The following SRMS variants were observed in gnomAD, a reference collection of about 807,000 sequenced individuals.
The protein encoded by SRMS is src-related kinase lacking C-terminal regulatory tyrosine and N-terminal myristylation sites, also known as tyrosine-protein kinase Srms.
Under a neutral mutation model 43.5 loss-of-function variants are expected in SRMS, and 42 were observed. That is an observed-to-expected ratio of 0.97 (90% CI 0.75 to 1.25). The LOEUF is 1.25. Ranked by LOEUF, SRMS falls within the 50% of genes most tolerant of loss-of-function variation. The pLI, the probability that SRMS is intolerant of heterozygous loss-of-function variation, is 0.00. For missense variants in SRMS, 703 were observed against 681.0 expected, an observed-to-expected ratio of 1.03 and a Z score of -0.36; for synonymous variants, 316 against 308.2, an observed-to-expected ratio of 1.03 and a Z score of -0.27.
Position 63,540,999 on chromosome 20 carries a change from C to T in SRMS, c.1286G>A (p.Gly429Glu). 1 of 1,608,778 alleles carries T rather than the reference C, an allele frequency of 6.2e-7. No individual in the cohort carries two copies. The highest frequency in any genetic ancestry group is 8.5e-7 in the Non-Finnish European group (1 of 1,179,386). The change falls in exon 8 of 8, where the codon GGG becomes GAG. Residue 429 changes from glycine (G) to glutamate (E), a missense_variant and splice_region_variant. Gly to Glu is a moderately conservative substitution (Grantham distance 98, BLOSUM62 -2). Coordinates refer to ENST00000217188, the MANE Select transcript of SRMS (RefSeq NM_080823.4). ...CTGCAGCGTCTCGTGGTTGGTCATCCCTGGGAGGCGCGGGGCAAGAGCTGC... is the reference window on the plus strand; with the variant it reads ...CTGCAGCGTCTCGTGGTTGGTCATCTCTGGGAGGCGCGGGGCAAGAGCTGC... ...VFTYGQCPYE[G>E]MTNHETLQQI... is the part of the protein sequence containing the mutation.
At chr20:63,542,809 C>G (rs1038801665) in intron 3 of SRMS, among the ~76,000 whole-genome samples, 2 of 152,162 alleles carry the variant, frequency 1.3e-5, no homozygotes, top group Non-Finnish European at 1.5e-5. Context: ...AGCCGGATAT[C>G]CGTCTACACA....
chr20:63,544,860 C>T (rs2082722932), intron 1 of SRMS, among the ~76,000 whole-genome samples: 1 of 152,208 alleles, frequency 6.6e-6, no homozygotes, highest in Admixed American at 6.5e-5. Flanking sequence ...CCTGAGGAGG[C>T]AGCCTAAGCC....
At chr20:63,544,483 GA>G in intron 1 of SRMS, 135 bp from the exon 2 acceptor site, 1 of 1,169,532 alleles carries the variant, frequency 8.6e-7, no homozygotes, top group Non-Finnish European at 1.1e-6. Context: ...CGTGGACTTT[GA>G]GTCCCAGCTC....
Position 63,547,248 on chromosome 20 carries a change from G to A in SRMS, c.216C>T (p.Val72=). 2 of 1,609,474 alleles carry A rather than the reference G, an allele frequency of 1.2e-6. No homozygotes were observed. The highest frequency in any genetic ancestry group is 1.7e-6 in the Non-Finnish European group (2 of 1,178,198). The change falls in exon 1 of 8, where the codon GTC becomes GTT. Residue 72 remains valine (V), a synonymous_variant. Transcript: ENST00000217188. ...FTARCGGELS[V]RRGDRLCALE... ...GGGCACAGAGCCTGTCCCCGCGGCGGACACTCAGCTCCCCGCCACACCGCG... is the reference window on the plus strand; with the variant it reads ...GGGCACAGAGCCTGTCCCCGCGGCGAACACTCAGCTCCCCGCCACACCGCG...
Position 63,546,571 on chromosome 20 carries a change from G to A in SRMS, c.356+537C>T, listed in dbSNP as rs528696526. Among the ~76,000 whole-genome samples, 212 of 138,300 alleles carry A rather than the reference G, an allele frequency of 1.5e-3. 2 individuals are homozygous for A. The highest frequency in any genetic ancestry group is 2.5e-3 in the Non-Finnish European group (162 of 66,054). The allele number at this position is 138,300 out of a possible 152,430, so 90.7% of individuals were successfully genotyped here. A position where few individuals can be genotyped will look rare whatever the true frequency, so the allele number is the denominator to read the frequency against. ...TGCCTTCACCCAGAGCTCCTGGAGC[G>A]TGGGCCCGTCTCAGCCCCCAGCCCC... On this transcript the variant is annotated intron_variant, in intron 1 of 7. Transcript: ENST00000217188.
At chr20:63,543,275 C>G in intron 3 of SRMS, 39 bp downstream of exon 3, 2 of 1,603,902 alleles carry the variant, frequency 1.2e-6, no homozygotes, top group Non-Finnish European at 1.7e-6. Flanking sequence ...GGCCATGCCT[C>G]GGGCCCAGCA....
intron 1 of SRMS, 138 bp from the exon 2 acceptor site, chr20:63,544,486 TC>T: frequency 8.7e-7 from 1 of 1,154,596 alleles, no homozygotes; most frequent in Non-Finnish European, 1.1e-6. Context: ...GGACTTTGAG[TC>T]CCAGCTCAAG....
chr20:63,543,948 G>A (rs1476466528), intron 2 of SRMS, among the ~76,000 whole-genome samples: 1 of 151,896 alleles, frequency 6.6e-6, no homozygotes, highest in Non-Finnish European at 1.5e-5. Context: ...AGGAATGAAC[G>A]AGTGAATGAG....
chr20:63,541,061 C>T, intron 7 of SRMS, 62 bp from the exon 8 acceptor site: 2 of 1,594,570 alleles, frequency 1.3e-6, no homozygotes, highest in Non-Finnish European at 1.7e-6. Context: ...GAGGAGGCCT[C>T]CTGTAGCCCC....
chr20:63,542,580 T>G lies in SRMS; in HGVS notation c.647A>C (p.Lys216Thr), dbSNP rs376624463. The G allele has an allele frequency of 5.6e-6, 9 of 1,608,284 alleles. No homozygotes were observed. The African/African-American group carries it at 1.1e-4, about 19-fold the overall frequency. ...CTCCCACACGTCCTGCCTCGGGGCC[T>G]TCTGCAGGGAGGGTGGGCAGGGAGG... Reference protein sequence around the residue: ...NPLLQPCMPQKAPRQDVWERP... With the variant: ...NPLLQPCMPQTAPRQDVWERP... Residue 216 changes from lysine (K) to threonine (T), a missense_variant and splice_region_variant, in exon 4 of 8, where the codon AAG (lysine) becomes ACG (threonine). Lys to Thr is a moderately conservative substitution (Grantham distance 78). Coordinates refer to ENST00000217188, the MANE Select transcript of SRMS (RefSeq NM_080823.4).
intron 1 of SRMS, among the ~76,000 whole-genome samples, chr20:63,546,645 A>AGCCCCCC (rs1569019152): frequency 8.3e-6 from 1 of 119,940 alleles, no homozygotes; most frequent in Non-Finnish European, 1.7e-5. Flanking sequence ...CCCCTGTCTC[A>AGCCCCCC]GCCCCCAGCC....
At position 63,541,013 on chromosome 20, in the gene SRMS, G is replaced by A. The variant is rs2082700834; in HGVS notation, c.1286-14C>T. The A allele has an allele frequency of 5.0e-6, 8 of 1,607,748 alleles. No homozygotes were observed. The highest frequency in any genetic ancestry group is 3.4e-5 in the Admixed American group (2 of 59,690). Reference sequence around the variant, plus strand: ...GGTTGGTCATCCCTGGGAGGCGCGGGGCAAGAGCTGCCTCGATTCTGCCTG... The same window carrying A: ...GGTTGGTCATCCCTGGGAGGCGCGGAGCAAGAGCTGCCTCGATTCTGCCTG... On this transcript the variant is annotated splice_polypyrimidine_tract_variant and intron_variant, in intron 7 of 7. Coordinates refer to ENST00000217188, the MANE Select transcript of SRMS (RefSeq NM_080823.4).
Position 63,544,317 on chromosome 20 carries a change from C to T in SRMS, c.388G>A (p.Ala130Thr), listed in dbSNP as rs776215905. Residue 130 changes from alanine (A) to threonine (T), a missense_variant, in exon 2 of 8, where the codon GCA (alanine) becomes ACA (threonine). By Grantham distance (58) the Ala-to-Thr change is moderately conservative. Coordinates refer to ENST00000217188, the MANE Select transcript of SRMS (RefSeq NM_080823.4). Reference sequence around the variant, plus strand: ...GGTGGGGAGAGGAGCAGCTGCTGTGCCTGGGTCCGACTGACCCCGCTAAAG... The same window carrying T: ...GGTGGGGAGAGGAGCAGCTGCTGTGTCTGGGTCCGACTGACCCCGCTAAAG... ...WYFSGVSRTQ[A>T]QQLLLSPPNE... 3 of 1,484,244 alleles carry T rather than the reference C, an allele frequency of 2.0e-6. No individual in the cohort carries two copies. Among genetic ancestry groups the T allele is most frequent in the Admixed American group, 2.7e-5 (1 of 37,636 alleles). The allele number at this position is 1,484,244 out of a possible 1,614,324, so 91.9% of individuals were successfully genotyped here.
chr20:63,544,630 C>T (rs2082721362), intron 1 of SRMS, among the ~76,000 whole-genome samples: 2 of 152,272 alleles, frequency 1.3e-5, no homozygotes, highest in South Asian at 4.1e-4. Context: ...TGACCGCCAG[C>T]CCCAGCCACA....
chr20:63,541,278 AATT>A lies in SRMS; in HGVS notation c.1195_1197del (p.Asn399del). 1 of 1,567,744 alleles carries A rather than the reference AATT, an allele frequency of 6.4e-7. No individual in the cohort carries two copies. Among genetic ancestry groups the A allele is most frequent in the South Asian group, 1.2e-5 (1 of 84,684 alleles). On this transcript the variant is annotated inframe_deletion, in exon 7 of 8. Coordinates refer to ENST00000217188, the MANE Select transcript of SRMS (RefSeq NM_080823.4). ...TCTGACTTCTGGGAGAAGACACGATAATTGGCCGCCTCAGGCGCTGTCCACTTG... is the reference window on the plus strand; with the variant it reads ...TCTGACTTCTGGGAGAAGACACGATAGGCCGCCTCAGGCGCTGTCCACTTG...
Position 63,540,876 on chromosome 20 carries a change from C to G in SRMS, c.1409G>C (p.Arg470Pro). Reference protein sequence around the residue: ...LECWRSSPEERPSFATLREKL... With the variant: ...LECWRSSPEEPPSFATLREKL... Reference sequence around the variant, plus strand: ...CTCCCGCAGCGTGGCGAAGGAGGGCCGTTCCTCGGGGCTGCTCCTCCAGCA... The same window carrying G: ...CTCCCGCAGCGTGGCGAAGGAGGGCGGTTCCTCGGGGCTGCTCCTCCAGCA... The change falls in exon 8 of 8, where the codon CGG (arginine) becomes CCG (proline). Residue 470 changes from arginine to proline, a missense_variant. Coordinates refer to ENST00000217188, the MANE Select transcript of SRMS (RefSeq NM_080823.4). 6.2e-7 allele frequency: 1 copy of G among 1,605,998 alleles called. No individual in the cohort carries two copies. The highest frequency in any genetic ancestry group is 8.5e-7 in the Non-Finnish European group (1 of 1,179,348).
Position 63,544,242 on chromosome 20 carries a change from C to A in SRMS, c.463G>T (p.Gly155Cys). The stretch of plus-strand genomic sequence containing the variant: ...CCCCAGGTACCTGACAGTGAGTAGC[C>A]CCCGAGGCTGCTCTCGCTGGGCCGG... ...LIRPSESSLG[G>C]YSLSVRAQAK... Residue 155 changes from glycine (G) to cysteine (C), a missense_variant, in exon 2 of 8, where the codon GGC becomes TGC. Physicochemically the swap from Gly to Cys is radical, Grantham distance 159. Transcript: ENST00000217188. 1 of 1,467,362 alleles carries A rather than the reference C, an allele frequency of 6.8e-7. No individual in the cohort carries two copies. Among genetic ancestry groups the A allele is most frequent in the Non-Finnish European group, 9.0e-7 (1 of 1,109,116 alleles). 90.9% of individuals were successfully genotyped at this position (1,467,362 alleles called of 1,614,324 possible).
rs771219616 is a variant in SRMS at position 63,547,291 on chromosome 20, G to T, written c.173C>A (p.Ala58Glu). The change falls in exon 1 of 8, where the codon GCG becomes GAG. Residue 58 changes from alanine (A) to glutamate (E), a missense_variant. By Grantham distance (107) the Ala-to-Glu change is moderately radical (BLOSUM62 -1). Transcript: ENST00000217188. ...PCSPFPQLFL[A>E]LYDFTARCGG... ...ACACCGCGCCGTGAAGTCATAGAGC[G>T]CAAGGAAGAGCTGAGGGAAGGGGCT... 6.2e-7 allele frequency: 1 copy of T among 1,605,440 alleles called. No homozygotes were observed. Among genetic ancestry groups the T allele is most frequent in the Non-Finnish European group, 8.5e-7 (1 of 1,174,860 alleles).
chr20:63,544,261 G>T lies in SRMS; in HGVS notation c.444C>A (p.Pro148=). 1 of 1,475,966 alleles carries T rather than the reference G, an allele frequency of 6.8e-7. No individual in the cohort carries two copies. The highest frequency in any genetic ancestry group is 9.0e-7 in the Non-Finnish European group (1 of 1,113,722). The allele number at this position is 1,475,966 out of a possible 1,614,324, so 91.4% of individuals were successfully genotyped here. A position where few individuals can be genotyped will look rare whatever the true frequency, so the allele number is the denominator to read the frequency against. ...PNEPGAFLIR[P]SESSLGGYSL... Reference sequence around the variant, plus strand: ...AGTAGCCCCCGAGGCTGCTCTCGCTGGGCCGGATGAGGAAGGCCCCTGGTT... The same window carrying T: ...AGTAGCCCCCGAGGCTGCTCTCGCTTGGCCGGATGAGGAAGGCCCCTGGTT... Residue 148 remains proline, a synonymous_variant, in exon 2 of 8, where the codon CCC becomes CCA. Transcript: ENST00000217188.
Sources: allele counts gnomAD v4.1 joint callset (sites outside exome capture counted in the v4.1 genomes callset), GRCh38; gene constraint gnomAD v4.1.1; transcripts MANE v1.5; gene names NCBI Gene and HGNC (gene_info 2026-07-23, HGNC 2026-07-21).